Variants in ADAMTS2 observed in about 807,000 individuals in gnomAD.
ADAMTS2 encodes ADAM metallopeptidase with thrombospondin type 1 motif 2.
A neutral mutation model predicts 123.0 loss-of-function variants in ADAMTS2; 50 were observed. That is an observed-to-expected ratio of 0.41 (90% CI 0.32 to 0.51). ADAMTS2 has a LOEUF of 0.51. Ranked by LOEUF, ADAMTS2 falls within the 20% of genes least tolerant of loss-of-function variation. ADAMTS2 has a pLI of 0.35. For missense variants in ADAMTS2, 1,494 were observed against 1,705.2 expected (o/e 0.88, Z 2.18); for synonymous variants, 678 against 695.4 (o/e 0.98, Z 0.39).
intron 4 of ADAMTS2, among the ~76,000 whole-genome samples, chr5:179,199,036 G>A (rs1388034330): frequency 1.3e-5 from 2 of 152,102 alleles, no homozygotes; most frequent in African/African-American, 2.4e-5. Flanking sequence ...GCATCCAGGG[G>A]GCACATGCAG....
chr5:179,229,218 A>G (rs1264026218), intron 3 of ADAMTS2, among the ~76,000 whole-genome samples: 2 of 152,220 alleles, frequency 1.3e-5, no homozygotes, highest in African/African-American at 4.8e-5. Flanking sequence ...TCTGGGCTTA[A>G]GTGACTTGGC....
At chr5:179,142,600 T>C (rs1471728776) in intron 10 of ADAMTS2, among the ~76,000 whole-genome samples, 3 of 152,160 alleles carry the variant, frequency 2.0e-5, no homozygotes, top group Non-Finnish European at 4.4e-5. Context: ...GTGATAGCAA[T>C]ACAGGCAGAA....
chr5:179,298,316 C>T (rs2113554619), intron 2 of ADAMTS2, among the ~76,000 whole-genome samples: 1 of 152,216 alleles, frequency 6.6e-6, no homozygotes, highest in African/African-American at 2.4e-5. Flanking sequence ...TGGTGTGAAG[C>T]GGGCCTTTGG....
chr5:179,274,315 A>G (rs1329264677), intron 2 of ADAMTS2, among the ~76,000 whole-genome samples: 1 of 152,080 alleles, frequency 6.6e-6, no homozygotes, highest in Non-Finnish European at 1.5e-5. Context: ...TGACCCATGC[A>G]GGGGATTTTA....
At chr5:179,265,441 C>T (rs1232244771) in intron 3 of ADAMTS2, among the ~76,000 whole-genome samples, 1 of 152,150 alleles carries the variant, frequency 6.6e-6, no homozygotes, top group Non-Finnish European at 1.5e-5. Context: ...GCCCAGACGC[C>T]GTGGAGGGGG....
intron 10 of ADAMTS2, among the ~76,000 whole-genome samples, chr5:179,144,596 G>A (rs1262373008): frequency 6.6e-6 from 1 of 152,180 alleles, no homozygotes; most frequent in African/African-American, 2.4e-5. Flanking sequence ...CAAAAGCCTA[G>A]AACTAAACCT....
rs190267616 is a variant in ADAMTS2 at position 179,114,022 on chromosome 5, C to T, written c.3481G>A (p.Val1161Ile). ...CCATGGATTTTGTAGGGTTCATCTA[C>T]GGCATTGGTTTCTGGGTGATCCTCT... ...ATEDHPETNA[V>I]DEPYKIHGLE... The change falls in exon 22 of 22, where the codon GTA (valine) becomes ATA (isoleucine). Residue 1161 changes from valine to isoleucine, a missense_variant. This residue lies in a region of ADAMTS2 where 953 missense variants were observed against 1,124.7 expected (regional missense o/e 0.85). Transcript: ENST00000251582. 59 of 1,614,068 alleles carry T rather than the reference C, an allele frequency of 3.7e-5. No homozygotes were observed. Among genetic ancestry groups the T allele is most frequent in the African/African-American group, 8.0e-5 (6 of 74,984 alleles).
At position 179,171,545 on chromosome 5, in the gene ADAMTS2, C is replaced by T. The variant is rs1050479244; in HGVS notation, c.975+9527G>A. ...AACCCCCCAGAGAAGGGCACAGCAG[C>T]GGGCAGGCCCGGCTCTTCTGGCAGT... On this transcript the variant is annotated intron_variant, in intron 5 of 21. Transcript: ENST00000251582. Among the ~76,000 whole-genome samples, 8 of 152,202 alleles carry T rather than the reference C, an allele frequency of 5.3e-5. No individual in the cohort carries two copies. The South Asian group carries it at 6.2e-4, about 12-fold the overall frequency.
At chr5:179,133,024 A>T in intron 13 of ADAMTS2, 124 bp from the exon 14 acceptor site, 1 of 1,337,084 alleles carries the variant, frequency 7.5e-7, no homozygotes, top group Non-Finnish European at 1.0e-6. Flanking sequence ...CTCCCAAAGC[A>T]TTGGGATTAC....
chr5:179,184,730 G>C (rs1764130839), intron 4 of ADAMTS2, among the ~76,000 whole-genome samples: 1 of 151,960 alleles, frequency 6.6e-6, no homozygotes, highest in Admixed American at 6.5e-5. Context: ...GCCTGACCTG[G>C]TCTCTCCTTC....
chr5:179,272,568 G>A lies in ADAMTS2; in HGVS notation c.688+343C>T, dbSNP rs910926992. On this transcript the variant is annotated intron_variant, in intron 3 of 21. Coordinates refer to ENST00000251582, the MANE Select transcript of ADAMTS2 (RefSeq NM_014244.5). The surrounding 1 kb of genome is among the most constrained non-coding windows in gnomAD (Gnocchi z 5.8). ...AGGCACTGGACTCAGGCCTGGCCGG[G>A]GGCCCCCGCCCCGCTCCACGACACT... Among the ~76,000 whole-genome samples the A allele has an allele frequency of 2.6e-5, 4 of 152,168 alleles. No individual in the cohort carries two copies. The highest frequency in any genetic ancestry group is 7.2e-5 in the African/African-American group (3 of 41,450).
intron 17 of ADAMTS2, 21 bp downstream of exon 17, chr5:179,127,938 C>G: frequency 6.2e-7 from 1 of 1,613,118 alleles, no homozygotes. Flanking sequence ...ACCCAGGTCC[C>G]CAGCTTCGAG....
chr5:179,204,442 C>A (rs1764632069), intron 4 of ADAMTS2, among the ~76,000 whole-genome samples: 1 of 152,234 alleles, frequency 6.6e-6, no homozygotes, highest in Non-Finnish European at 1.5e-5. Context: ...AGGACACCAG[C>A]CACACTTCAA....
chr5:179,184,735 T>A (rs1561793872), intron 4 of ADAMTS2, among the ~76,000 whole-genome samples: 1 of 151,978 alleles, frequency 6.6e-6, no homozygotes, highest in Non-Finnish European at 1.5e-5. Flanking sequence ...ACCTGGTCTC[T>A]CCTTCCCCAC....
chr5:179,295,076 C>G (rs1031597306), intron 2 of ADAMTS2, among the ~76,000 whole-genome samples: 1 of 152,254 alleles, frequency 6.6e-6, no homozygotes, highest in African/African-American at 2.4e-5. Context: ...CTACTGGAGG[C>G]TGCTGGGTTT....
Position 179,344,211 on chromosome 5 carries a change from C to T in ADAMTS2, c.140-50G>A, listed in dbSNP as rs188928064. 5.5e-4 allele frequency: 839 copies of T among 1,529,758 alleles called. 5 individuals carry two copies. The East Asian group carries it at 0.017, about 31-fold the overall frequency. 94.8% of individuals were successfully genotyped at this position (1,529,758 alleles called of 1,614,324 possible). A position where few individuals can be genotyped will look rare whatever the true frequency, so the allele number is the denominator to read the frequency against. On this transcript the variant is annotated intron_variant, in intron 1 of 21. Transcript: ENST00000251582. ...CGGCGGAGACCACGGAGCCCCAGTG[C>T]CTCAGAGACCCGCCGGCAAGCCACG... is the stretch of plus-strand genomic sequence containing the variant.
chr5:179,281,848 C>T lies in ADAMTS2; in HGVS notation c.535-8784G>A, dbSNP rs552628058. ...AGGCTCTTTGACTCTAGCTATCCAG[C>T]AGGTGTGAAGTGGTGTCCCATCATG... On this transcript the variant is annotated intron_variant, in intron 2 of 21. Coordinates refer to ENST00000251582, the MANE Select transcript of ADAMTS2 (RefSeq NM_014244.5). Among the ~76,000 whole-genome samples the T allele has an allele frequency of 2.1e-4, 32 of 152,338 alleles. No homozygotes were observed. In the South Asian group the frequency reaches 6.4e-3, roughly 31 times the overall value.
chr5:179,313,831 CGG>C (rs1213971369), intron 2 of ADAMTS2, among the ~76,000 whole-genome samples: 58 of 48,458 alleles, frequency 1.2e-3, no homozygotes, highest in Non-Finnish European at 1.7e-3. Context: ...AGGGCCTGGC[CGG>C]AGCAGGGGTG....
intron 2 of ADAMTS2, among the ~76,000 whole-genome samples, chr5:179,292,538 C>T (rs1360412638): frequency 6.6e-6 from 1 of 151,982 alleles, no homozygotes; most frequent in Non-Finnish European, 1.5e-5. Flanking sequence ...CCCATGTGGG[C>T]TCATGAATCT....
Sources: allele counts gnomAD v4.1 joint callset (sites outside exome capture counted in the v4.1 genomes callset), GRCh38; gene constraint gnomAD v4.1.1; regional missense constraint gnomAD v4.1.1; non-coding constraint Gnocchi (gnomAD v3.1); transcripts MANE v1.5; gene names NCBI Gene and HGNC (gene_info 2026-07-23, HGNC 2026-07-21).